The following TENM3 variants were observed in gnomAD, a reference collection of about 807,000 sequenced individuals.
The protein encoded by TENM3 is teneurin-3.
Under a neutral mutation model 255.1 loss-of-function variants are expected in TENM3, and 63 were observed. That is an observed-to-expected ratio of 0.25 (90% CI 0.20 to 0.30). The LOEUF (loss-of-function observed/expected upper bound fraction) is 0.30. TENM3 is among the 10% of genes least tolerant of loss of function. TENM3 has a pLI of 1.00. For missense variants in TENM3, 2,929 were observed against 3,461.1 expected (o/e 0.85, Z 3.86); for synonymous variants, 1,306 against 1,322.3 (o/e 0.99, Z 0.27).
the TENM3 span, among the ~76,000 whole-genome samples, chr4:181,974,885 C>T: frequency 6.6e-6 from 1 of 152,114 alleles, no homozygotes; most frequent in African/African-American, 2.4e-5. Flanking sequence ...GTACCCATCA[C>T]CCAAATATTG....
rs375090823 is a variant in TENM3, at chr4:182,793,734, A to G, written c.7062A>G (p.Glu2354=). 219 of 1,613,934 alleles carry G rather than the reference A, an allele frequency of 1.4e-4. 1 individual carries two copies. Among genetic ancestry groups the G allele is most frequent in the Non-Finnish European group, 1.7e-4 (206 of 1,179,892 alleles). ...TCACCAAATTAATCCACTTTGGAGA[A>G]AGAGATTATGACATTTTGGCAGGAC... The part of the protein sequence containing the change: ...DPLTKLIHFG[E]RDYDILAGRW... Residue 2354 remains glutamate (E), a synonymous_variant, in exon 26 of 28, where the codon GAA becomes GAG. Transcript: ENST00000511685. The surrounding 1 kb of genome is among the most constrained non-coding windows in gnomAD (Gnocchi z 5.7).
At chr4:182,319,929 A>T (rs1468141260) in intron 1 of TENM3, among the ~76,000 whole-genome samples, 1 of 152,152 alleles carries the variant, frequency 6.6e-6, no homozygotes, top group Non-Finnish European at 1.5e-5. Context: ...CCTTGCCAAC[A>T]TGGTGAAACC....
intron 4 of TENM3, among the ~76,000 whole-genome samples, chr4:182,623,309 G>A (rs942386213): frequency 6.6e-6 from 1 of 150,694 alleles, no homozygotes; most frequent in Non-Finnish European, 1.5e-5. Context: ...CACCACGTCT[G>A]ACCCTATTTC....
chr4:182,730,843 A>C, intron 15 of TENM3, 35 bp from the exon 16 acceptor site: 2 of 1,607,670 alleles, frequency 1.2e-6, no homozygotes, highest in Non-Finnish European at 1.7e-6. Context: ...TGTGGGATCC[A>C]GACAATTCAC....
chr4:182,432,940 G>A (rs977971076), intron 3 of TENM3, among the ~76,000 whole-genome samples: 2 of 150,302 alleles, frequency 1.3e-5, no homozygotes, highest in Non-Finnish European at 3.0e-5. Flanking sequence ...GCCTGCCTTG[G>A]CATCCCAAAG....
the TENM3 span, among the ~76,000 whole-genome samples, chr4:182,056,117 C>T: frequency 6.6e-6 from 1 of 152,002 alleles, no homozygotes; most frequent in South Asian, 2.1e-4. Flanking sequence ...TCAGTGTCCC[C>T]ACCAAGATCC....
chr4:182,423,955 C>T (rs1771022192), intron 3 of TENM3, among the ~76,000 whole-genome samples: 1 of 152,172 alleles, frequency 6.6e-6, no homozygotes, highest in Admixed American at 6.6e-5. Flanking sequence ...GTCACTTTAT[C>T]TTACCGTGTT....
At chr4:181,520,774 C>G in the TENM3 span, among the ~76,000 whole-genome samples, 1 of 152,272 alleles carries the variant, frequency 6.6e-6, no homozygotes, top group Admixed American at 6.5e-5. Flanking sequence ...GCACCAAATG[C>G]AGGCTTTGGT....
chr4:182,145,092 G>A (rs1749854168), intron 1 of TENM3: 1 of 152,254 alleles, frequency 6.6e-6, no homozygotes, highest in Non-Finnish European at 1.5e-5. Flanking sequence ...GGCGGGGAGG[G>A]GAGCCCGCCA....
At chr4:182,669,148 C>G (rs1754977861) in intron 6 of TENM3, among the ~76,000 whole-genome samples, 1 of 152,092 alleles carries the variant, frequency 6.6e-6, no homozygotes, top group African/African-American at 2.4e-5. Flanking sequence ...AAGAGAACAG[C>G]TACTCTACTC....
Position 182,688,337 on chromosome 4 carries a change from A to G in TENM3, c.2207A>G (p.Glu736Gly). 1 of 1,610,972 alleles carries G rather than the reference A, an allele frequency of 6.2e-7. No homozygotes were observed. Among genetic ancestry groups the G allele is most frequent in the Non-Finnish European group, 8.5e-7 (1 of 1,178,268 alleles). ...KCECSQGWNG[E>G]HCTIEGCPGL... ...GAATGCAGCCAGGGCTGGAATGGAG[A>G]GCACTGCACTATCGGTAGGCTTACT... Residue 736 changes from glutamate (E) to glycine (G), a missense_variant, in exon 12 of 28, where the codon GAG (glutamate) becomes GGG (glycine). Physicochemically the swap from Glu to Gly is moderately conservative, Grantham distance 98. This residue lies in a region of TENM3 where 1,608 missense variants were observed against 1,884.4 expected (regional missense o/e 0.85). Coordinates refer to ENST00000511685, the MANE Select transcript of TENM3 (RefSeq NM_001080477.4).
chr4:181,565,556 G>A, the TENM3 span, among the ~76,000 whole-genome samples: 6 of 152,152 alleles, frequency 3.9e-5, no homozygotes, highest in Non-Finnish European at 7.3e-5. Flanking sequence ...ACAGGGATGC[G>A]GACGAGGGCA....
At chr4:182,693,436 A>C (rs1026451192) in intron 12 of TENM3, among the ~76,000 whole-genome samples, 1 of 151,848 alleles carries the variant, frequency 6.6e-6, no homozygotes, top group Middle Eastern at 3.4e-3. Flanking sequence ...TCCTGGGTTC[A>C]AGTGATTCTC....
the TENM3 span, among the ~76,000 whole-genome samples, chr4:181,716,623 C>A: frequency 6.6e-6 from 1 of 152,088 alleles, no homozygotes; most frequent in Non-Finnish European, 1.5e-5. Context: ...AGTTGGTAAT[C>A]TGTAAAATCA....
the TENM3 span, among the ~76,000 whole-genome samples, chr4:181,502,192 A>G: frequency 6.6e-6 from 1 of 152,246 alleles, no homozygotes; most frequent in Admixed American, 6.5e-5. Flanking sequence ...TGGCAGAGAC[A>G]GGCCATTATA....
intron 1 of TENM3, among the ~76,000 whole-genome samples, chr4:182,261,933 C>A (rs777887658): frequency 2.0e-5 from 3 of 152,156 alleles, no homozygotes; most frequent in Non-Finnish European, 2.9e-5. Context: ...TTGAAAACAT[C>A]CACAGTTGAT....
At chr4:181,854,962 A>G in the TENM3 span, among the ~76,000 whole-genome samples, 1 of 152,136 alleles carries the variant, frequency 6.6e-6, no homozygotes, top group Admixed American at 6.5e-5. Flanking sequence ...CGTGTTTTCT[A>G]CTTTTGCTTC....
intron 3 of TENM3, among the ~76,000 whole-genome samples, chr4:182,501,829 A>C (rs1489933461): frequency 6.6e-6 from 1 of 152,078 alleles, no homozygotes; most frequent in Non-Finnish European, 1.5e-5. Context: ...AAAGCCATAG[A>C]TTGTACTCAA....
chr4:181,980,352 G>A, the TENM3 span: 2 of 152,110 alleles, frequency 1.3e-5, no homozygotes, highest in Non-Finnish European at 2.9e-5. Flanking sequence ...GGAAGTTGTG[G>A]TCTGGAAGGG....
Sources: gnomAD v4.1 joint callset for allele counts (sites outside exome capture counted in the v4.1 genomes callset) on GRCh38, gnomAD v4.1.1 for gene constraint, gnomAD v4.1.1 regional missense constraint, Gnocchi (gnomAD v3.1) non-coding constraint, MANE v1.5 for transcripts, NCBI Gene and HGNC (gene_info 2026-07-23, HGNC 2026-07-21) for gene names.